Variants in EDA2R observed in about 807,000 individuals in gnomAD.
EDA2R encodes the protein ectodysplasin A2 receptor.
A neutral mutation model predicts 20.1 loss-of-function variants in EDA2R; 26 were observed. That is an observed-to-expected ratio of 1.30 (90% CI 0.95 to 1.80). The LOEUF (loss-of-function observed/expected upper bound fraction) is 1.80. EDA2R is among the 40% of genes most tolerant of loss of function. EDA2R has a pLI of 0.00. For missense variants in EDA2R, 277 were observed against 228.7 expected (o/e 1.21, Z -1.36); for synonymous variants, 114 against 88.7 (o/e 1.29, Z -1.60).
intron 1 of EDA2R, among the ~76,000 whole-genome samples, chrX:66,623,477 A>G (rs1932821724): frequency 8.9e-6 from 1 of 112,142 alleles, no homozygotes; most frequent in South Asian, 3.7e-4. Context: ...AACTTAAAAA[A>G]TGAATGGGTA....
At chrX:66,610,147 C>T (rs943711779) in intron 2 of EDA2R, among the ~76,000 whole-genome samples, 2 of 110,757 alleles carry the variant, frequency 1.8e-5, no homozygotes, top group Non-Finnish European at 3.8e-5. Context: ...GATTTATATT[C>T]CGATAACACA....
chrX:66,611,263 T>G (rs1356679929), intron 2 of EDA2R, among the ~76,000 whole-genome samples: 5 of 111,263 alleles, frequency 4.5e-5, no homozygotes, highest in African/African-American at 1.6e-4. Context: ...ACCCTGAGTC[T>G]CCTGACATAA....
At chrX:66,628,595 T>C (rs1402494889) in intron 1 of EDA2R, among the ~76,000 whole-genome samples, 1 of 109,104 alleles carries the variant, frequency 9.2e-6, no homozygotes, top group African/African-American at 3.3e-5. Flanking sequence ...CTAGAAGAGA[T>C]GGATAAATTC....
At chrX:66,617,968 C>T (rs1195736371) in intron 1 of EDA2R, among the ~76,000 whole-genome samples, 1 of 109,764 alleles carries the variant, frequency 9.1e-6, no homozygotes, top group Non-Finnish European at 1.9e-5. Flanking sequence ...CTCACTGCAA[C>T]CTCTGCCTCC....
At chrX:66,618,892 A>T (rs774124262) in intron 1 of EDA2R, among the ~76,000 whole-genome samples, 1 of 112,502 alleles carries the variant, frequency 8.9e-6, no homozygotes, top group Admixed American at 9.4e-5. Context: ...TACCTTTGTC[A>T]GCATCAGTTT....
In EDA2R at chrX:66,602,673, G is replaced by A. The variant is rs776421145; in HGVS notation, c.477C>T (p.Phe159=). ...TGTTGAAGAACTGCTTGCAGTAGAGGAAGAAGAGCCCCAGGAAGGCCAGGG... is the reference window on the plus strand; with the variant it reads ...TGTTGAAGAACTGCTTGCAGTAGAGAAAGAAGAGCCCCAGGAAGGCCAGGG... ...VFTLAFLGLF[F]LYCKQFFNRH... Residue 159 remains phenylalanine (F), a synonymous_variant, in exon 5 of 7, where the codon TTC becomes TTT. Coordinates refer to ENST00000374719, the MANE Select transcript of EDA2R (RefSeq NM_021783.5). 2.1e-5 allele frequency: 25 copies of A among 1,200,156 alleles called. No individual in the cohort carries two copies. Among genetic ancestry groups the A allele is most frequent in the Non-Finnish European group, 2.7e-5 (24 of 890,132 alleles).
In EDA2R at chrX:66,611,690, G is replaced by A. The variant is rs1472070611; in HGVS notation, c.87+4244C>T. ...AATGAACAAAGCCTCAAGAACCTAT[G>A]AGACTATAACAAAATATAGAAAAAT... is the stretch of plus-strand genomic sequence containing the variant. On this transcript the variant is annotated intron_variant, in intron 2 of 6. Coordinates refer to ENST00000374719, the MANE Select transcript of EDA2R (RefSeq NM_021783.5). Among the ~76,000 whole-genome samples the A allele has an allele frequency of 3.6e-5, 4 of 110,899 alleles. No individual in the cohort carries two copies. In the Admixed American group the frequency reaches 3.8e-4, roughly 11 times the overall value.
chrX:66,626,168 C>A (rs190332885), intron 1 of EDA2R, among the ~76,000 whole-genome samples: 43 of 111,834 alleles, frequency 3.8e-4, no homozygotes, highest in African/African-American at 1.3e-3. Context: ...AAGATAAAAT[C>A]TCTGATTTAC....
At chrX:66,635,249 T>C (rs1214882521) in intron 1 of EDA2R, among the ~76,000 whole-genome samples, 3 of 111,891 alleles carry the variant, frequency 2.7e-5, no homozygotes, top group African/African-American at 6.5e-5. Flanking sequence ...GTGGGGAACA[T>C]AGAAAATATA....
At chrX:66,603,072 A>G (rs1328594647) in intron 4 of EDA2R, among the ~76,000 whole-genome samples, 2 of 112,114 alleles carry the variant, frequency 1.8e-5, no homozygotes, top group Admixed American at 1.9e-4. Flanking sequence ...TATATAATCC[A>G]GATCAATGGA....
chrX:66,613,287 T>G (rs146182380), intron 2 of EDA2R, among the ~76,000 whole-genome samples: 665 of 111,880 alleles, frequency 5.9e-3, no homozygotes, highest in Non-Finnish European at 0.01. Flanking sequence ...ATTTTTAAAA[T>G]ACTCTGTTAT....
chrX:66,612,928 T>A lies in EDA2R; in HGVS notation c.87+3006A>T, dbSNP rs183886576. Reference sequence around the variant, plus strand: ...AATCATTAAGGTGCAAAATTTCTTTTGCTATTAACCACTTTTATAGCCAGA... The same window carrying A: ...AATCATTAAGGTGCAAAATTTCTTTAGCTATTAACCACTTTTATAGCCAGA... On this transcript the variant is annotated intron_variant, in intron 2 of 6. Coordinates refer to ENST00000374719, the MANE Select transcript of EDA2R (RefSeq NM_021783.5). Among the ~76,000 whole-genome samples the A allele has an allele frequency of 2.9e-4, 32 of 111,698 alleles. No individual in the cohort carries two copies. In the Admixed American group the frequency reaches 2.9e-3, roughly 10 times the overall value.
At chrX:66,612,688 A>C (rs1249233044) in intron 2 of EDA2R, among the ~76,000 whole-genome samples, 1 of 111,902 alleles carries the variant, frequency 8.9e-6, no homozygotes, top group African/African-American at 3.2e-5. Flanking sequence ...TTAGGTTTAA[A>C]TCTTAAAATA....
At chrX:66,603,576 G>C (rs1176319287) in intron 4 of EDA2R, among the ~76,000 whole-genome samples, 1 of 111,532 alleles carries the variant, frequency 9.0e-6, no homozygotes, top group African/African-American at 3.3e-5. Context: ...AATGATGTAG[G>C]AAGGCCTTTG....
intron 1 of EDA2R, among the ~76,000 whole-genome samples, chrX:66,637,979 A>G (rs893397774): frequency 1.8e-5 from 2 of 112,473 alleles, no homozygotes; most frequent in South Asian, 7.4e-4. Flanking sequence ...TACAATTTCA[A>G]AAAAAGAATA....
chrX:66,637,137 G>A (rs756358629), intron 1 of EDA2R, among the ~76,000 whole-genome samples: 2 of 112,196 alleles, frequency 1.8e-5, no homozygotes, highest in Non-Finnish European at 3.8e-5. Context: ...CCACAGAAGT[G>A]AGATGGGAAT....
At chrX:66,614,265 T>C (rs1451882223) in intron 2 of EDA2R, among the ~76,000 whole-genome samples, 1 of 111,816 alleles carries the variant, frequency 8.9e-6, no homozygotes, top group Non-Finnish European at 1.9e-5. Flanking sequence ...CAGCAAGATG[T>C]CCAATATGAA....
chrX:66,636,322 C>A lies in EDA2R; in HGVS notation c.-11+2673G>T, dbSNP rs866984783. On this transcript the variant is annotated intron_variant, in intron 1 of 6. Coordinates refer to ENST00000374719, the MANE Select transcript of EDA2R (RefSeq NM_021783.5). ...TACTCATACCCCAATTTATATACTT[C>A]AAAACCACAGAGTCATATTTGACTT... Among the ~76,000 whole-genome samples the A allele has an allele frequency of 2.7e-5, 3 of 111,678 alleles. No homozygotes were observed. The South Asian group carries it at 1.1e-3, about 42-fold the overall frequency.
intron 2 of EDA2R, among the ~76,000 whole-genome samples, chrX:66,610,225 C>T (rs746633895): frequency 6.5e-5 from 7 of 108,059 alleles, no homozygotes; most frequent in Non-Finnish European, 1.2e-4. Flanking sequence ...AAAAGAAACA[C>T]AAACAGCTCT....
Sources: gnomAD v4.1 joint callset for allele counts (sites outside exome capture counted in the v4.1 genomes callset) on GRCh38, gnomAD v4.1.1 for gene constraint, MANE v1.5 for transcripts, NCBI Gene and HGNC (gene_info 2026-07-23, HGNC 2026-07-21) for gene names.